The following CALN1 variants were observed in gnomAD, a reference collection of about 807,000 sequenced individuals.
The protein encoded by CALN1 is calcium-binding protein 8.
Under a neutral mutation model 30.6 loss-of-function variants are expected in CALN1, and 17 were observed. The ratio of observed to expected loss-of-function variants is 0.56; its 90% CI spans 0.38 to 0.83. The LOEUF is 0.83. Among genes scored for constraint, CALN1 ranks in the 40% least tolerant of loss-of-function variants. CALN1 has a pLI of 0.00. For synonymous variants in CALN1, 156 were observed against 131.4 expected, an observed-to-expected ratio of 1.19 and a Z score of -1.28; for missense variants, 291 against 354.9, an observed-to-expected ratio of 0.82 and a Z score of 1.45.
chr7:72,313,365 A>G (rs187189447), intron 2 of CALN1, among the ~76,000 whole-genome samples: 29 of 152,296 alleles, frequency 1.9e-4, no homozygotes, highest in Admixed American at 7.2e-4. Context: ...ATATCCTACC[A>G]TAGCCAAATT....
intron 2 of CALN1, among the ~76,000 whole-genome samples, chr7:72,388,554 C>T (rs1200097065): frequency 3.3e-5 from 5 of 152,156 alleles, no homozygotes; most frequent in African/African-American, 9.7e-5. Flanking sequence ...GGCGATACTG[C>T]GTGTTGGGGA....
intron 1 of CALN1, among the ~76,000 whole-genome samples, chr7:72,419,253 G>A (rs1807531007): frequency 6.6e-6 from 1 of 152,002 alleles, no homozygotes; most frequent in African/African-American, 2.4e-5. Flanking sequence ...GGTCTAAAAT[G>A]GATTGTGATC....
chr7:72,315,157 A>G (rs1202860161), intron 2 of CALN1, among the ~76,000 whole-genome samples: 2 of 152,206 alleles, frequency 1.3e-5, no homozygotes, highest in African/African-American at 4.8e-5. Context: ...AACTATAAAA[A>G]TAATTTTTAA....
At chr7:71,847,374 G>T (rs940570594) in intron 5 of CALN1, among the ~76,000 whole-genome samples, 1 of 152,078 alleles carries the variant, frequency 6.6e-6, no homozygotes, top group African/African-American at 2.4e-5. Context: ...TCCTGGCTGG[G>T]TGCAGTGGCT....
intron 5 of CALN1, among the ~76,000 whole-genome samples, chr7:71,879,788 C>T (rs1462003031): frequency 2.0e-5 from 3 of 152,138 alleles, no homozygotes; most frequent in East Asian, 1.9e-4. Flanking sequence ...CTGATGCTTA[C>T]GTGCCTCACA....
rs1795502786 is a variant in CALN1 at position 71,930,644 on chromosome 7, C to G, written c.501+93013G>C. On this transcript the variant is annotated intron_variant, in intron 5 of 6. Coordinates refer to ENST00000395275, the MANE Select transcript of CALN1 (RefSeq NM_031468.4). ...TGAACATTTGCTCCTATATTTACTTCTAAGAGTTTTATCGTTTCAGATCTG... is the reference window on the plus strand; with the variant it reads ...TGAACATTTGCTCCTATATTTACTTGTAAGAGTTTTATCGTTTCAGATCTG... Among the ~76,000 whole-genome samples, 3 of 152,144 alleles carry G rather than the reference C, an allele frequency of 2.0e-5. No homozygotes were observed. The South Asian group carries it at 6.2e-4, about 32-fold the overall frequency.
At chr7:72,453,519 G>C in the CALN1 span, among the ~76,000 whole-genome samples, 1 of 152,158 alleles carries the variant, frequency 6.6e-6, no homozygotes, top group Non-Finnish European at 1.5e-5. Context: ...AAATGCTTTA[G>C]GTGCCTCTTC....
chr7:72,388,987 A>G (rs1459550401), intron 2 of CALN1, among the ~76,000 whole-genome samples: 1 of 152,190 alleles, frequency 6.6e-6, no homozygotes, highest in Non-Finnish European at 1.5e-5. Context: ...GACCTGGACC[A>G]GCAGGCCACG....
intron 5 of CALN1, among the ~76,000 whole-genome samples, chr7:71,955,997 T>A (rs1796942692): frequency 1.3e-5 from 2 of 152,020 alleles, no homozygotes; most frequent in South Asian, 2.1e-4. Flanking sequence ...TGGATTTTTT[T>A]TTTTTTTTGA....
chr7:72,314,340 T>C (rs1361944995), intron 2 of CALN1, among the ~76,000 whole-genome samples: 2 of 144,416 alleles, frequency 1.4e-5, no homozygotes, highest in East Asian at 2.1e-4. Flanking sequence ...TATGTTAACA[T>C]ATATATATAC....
chr7:71,846,879 A>G (rs1032501537), intron 5 of CALN1, among the ~76,000 whole-genome samples: 1 of 146,928 alleles, frequency 6.8e-6, no homozygotes, highest in Non-Finnish European at 1.5e-5. Flanking sequence ...TATATAATAT[A>G]TACACACATA....
chr7:72,391,590 G>C (rs1032688899), intron 2 of CALN1, among the ~76,000 whole-genome samples: 5 of 152,068 alleles, frequency 3.3e-5, no homozygotes, highest in African/African-American at 9.7e-5. Context: ...CTGTGGGAGA[G>C]ACCCAGTGGG....
intron 2 of CALN1, among the ~76,000 whole-genome samples, chr7:72,327,327 T>C (rs1054853663): frequency 2.0e-5 from 3 of 152,116 alleles, no homozygotes; most frequent in African/African-American, 7.2e-5. Flanking sequence ...AACCCGTCTC[T>C]ACTAAAAATA....
chr7:72,024,552 C>G (rs892506964), intron 4 of CALN1, among the ~76,000 whole-genome samples: 1 of 152,042 alleles, frequency 6.6e-6, no homozygotes, highest in African/African-American at 2.4e-5. Flanking sequence ...GAGCAAGCCA[C>G]CAAGCCTGGC....
At chr7:72,080,891 G>A (rs935981349) in intron 4 of CALN1, among the ~76,000 whole-genome samples, 1 of 152,114 alleles carries the variant, frequency 6.6e-6, no homozygotes, top group African/African-American at 2.4e-5. Flanking sequence ...AAGGATACTG[G>A]AGACACTTAG....
intron 2 of CALN1, among the ~76,000 whole-genome samples, chr7:72,326,876 C>T (rs896042012): frequency 2.0e-5 from 3 of 152,134 alleles, no homozygotes; most frequent in African/African-American, 4.8e-5. Flanking sequence ...CTGAGTCTCC[C>T]CATCTGTCAA....
At chr7:71,844,982 C>T (rs555888912) in intron 5 of CALN1, among the ~76,000 whole-genome samples, 22 of 152,204 alleles carry the variant, frequency 1.4e-4, no homozygotes, top group African/African-American at 5.3e-4. Context: ...CTCTGCCACC[C>T]GGGTTCAAGC....
intron 2 of CALN1, among the ~76,000 whole-genome samples, chr7:72,316,253 T>C (rs1042123678): frequency 6.6e-6 from 1 of 152,018 alleles, no homozygotes; most frequent in Non-Finnish European, 1.5e-5. Context: ...CACACCCATT[T>C]GTGGACTATG....
At chr7:72,211,159 T>C (rs1299425550) in intron 3 of CALN1, among the ~76,000 whole-genome samples, 1 of 152,122 alleles carries the variant, frequency 6.6e-6, no homozygotes, top group Non-Finnish European at 1.5e-5. Flanking sequence ...AGGCTCCCTA[T>C]AGCCTAATTC....
Sources: allele counts gnomAD v4.1 joint callset (sites outside exome capture counted in the v4.1 genomes callset), GRCh38; gene constraint gnomAD v4.1.1; transcripts MANE v1.5; gene names NCBI Gene and HGNC (gene_info 2026-07-23, HGNC 2026-07-21).